Variants in TJP1 observed in about 807,000 individuals in gnomAD.
The protein encoded by TJP1 is tight junction protein 1.
Under a neutral mutation model 194.2 loss-of-function variants are expected in TJP1, and 43 were observed. The observed-to-expected ratio is 0.22, with a 90% CI of 0.17 to 0.29. TJP1 has a LOEUF of 0.29. Ranked by LOEUF, TJP1 falls within the 10% of genes least tolerant of loss-of-function variation. The pLI, the probability that TJP1 is intolerant of heterozygous loss-of-function variation, is 1.00. For missense variants in TJP1, 1,971 were observed against 2,185.7 expected (o/e 0.90, Z 1.96); for synonymous variants, 801 against 779.0 (o/e 1.03, Z -0.47).
chr15:29,949,317 TCACCACCACTACCTCCACCACCTCCAC>T (rs2055441672), intron 2 of TJP1, among the ~76,000 whole-genome samples: 5 of 20,658 alleles, frequency 2.4e-4, no homozygotes, highest in African/African-American at 7.3e-4. Context: ...ACCTCCACTT[TCACCACCACTACCTCCACCACCTCCAC>T]CACCACCACC....
chr15:29,720,006 G>A lies in TJP1; in HGVS notation c.2774C>T (p.Ala925Val). ...CGAAAGGTAAGGGACTGGAGATGAA[G>A]CTTCTGCTTTCTGTGAAGTGTTTAA... ...FKPASQQKAE[A>V]SSPVPYLSPE... is the part of the protein sequence containing the mutation. Residue 925 changes from alanine (A) to valine (V), a missense_variant, in exon 20 of 28, where the codon GCT (alanine) becomes GTT (valine). Ala to Val is a moderately conservative substitution (Grantham distance 64). Coordinates refer to ENST00000614355, the MANE Select transcript of TJP1 (RefSeq NM_001330239.4). The A allele has an allele frequency of 6.2e-7, 1 of 1,604,394 alleles. No individual in the cohort carries two copies.
chr15:29,722,295 AG>A (rs2042976885), intron 18 of TJP1, among the ~76,000 whole-genome samples: 1 of 152,212 alleles, frequency 6.6e-6, no homozygotes, highest in African/African-American at 2.4e-5. Flanking sequence ...TGGGTGATCC[AG>A]GCCCGGCCCT....
intron 2 of TJP1, among the ~76,000 whole-genome samples, chr15:29,950,883 C>G (rs973826432): frequency 6.6e-6 from 1 of 152,052 alleles, no homozygotes; most frequent in Non-Finnish European, 1.5e-5. Context: ...ATTCTGTAAC[C>G]CCATATCCTT....
chr15:29,910,509 C>T (rs959833732), intron 2 of TJP1, among the ~76,000 whole-genome samples: 10 of 152,178 alleles, frequency 6.6e-5, no homozygotes, highest in African/African-American at 2.4e-4. Context: ...ACATTTTAAA[C>T]ACTGTTTATA....
Position 29,781,263 on chromosome 15 carries a change from A to G in TJP1, c.85-7906T>C, listed in dbSNP as rs115417751. Among the ~76,000 whole-genome samples, 778 of 152,254 alleles carry G rather than the reference A, an allele frequency of 5.1e-3. 7 individuals carry two copies. The highest frequency in any genetic ancestry group is 0.017 in the African/African-American group (722 of 41,552). On this transcript the variant is annotated intron_variant, in intron 2 of 27. Transcript: ENST00000614355. ...TCCTGGACAAACCCACCCTCCCAAGACTGAACCAGGAGAAACTGAATCTCT... is the reference window on the plus strand; with the variant it reads ...TCCTGGACAAACCCACCCTCCCAAGGCTGAACCAGGAGAAACTGAATCTCT...
At chr15:29,845,641 G>GA (rs938785373) in intron 2 of TJP1, among the ~76,000 whole-genome samples, 46 of 151,196 alleles carry the variant, frequency 3.0e-4, no homozygotes, top group Non-Finnish European at 5.6e-4. Flanking sequence ...CATCTCTACT[G>GA]AAAAAAAACA....
chr15:29,750,987 T>C (rs1045471768), intron 8 of TJP1, among the ~76,000 whole-genome samples: 2 of 152,256 alleles, frequency 1.3e-5, no homozygotes, highest in African/African-American at 2.4e-5. Context: ...TGGAAGGCTC[T>C]ATTGCAAAAA....
Position 29,719,777 on chromosome 15 carries a change from C to G in TJP1, c.3003G>C (p.Lys1001Asn). Residue 1001 changes from lysine to asparagine, a missense_variant and splice_region_variant, in exon 20 of 28, where the codon AAG (lysine) becomes AAC (asparagine). Physicochemically the swap from Lys to Asn is moderately conservative, Grantham distance 94. Around this residue, in one of 5 missense-constraint regions of TJP1, gnomAD observed 1,108 missense variants for 1,128.5 expected, o/e 0.98. Transcript: ENST00000614355. ...PSLSSHVDPT[K>N]VYRKDPYPEE... ...TAGTGCAACACCGCAGCACAGGTACCTTTGTTGGATCTACATGCGACGACA... is the reference window on the plus strand; with the variant it reads ...TAGTGCAACACCGCAGCACAGGTACGTTTGTTGGATCTACATGCGACGACA... 3 of 1,612,184 alleles carry G rather than the reference C, an allele frequency of 1.9e-6. No homozygotes were observed. In the Middle Eastern group the frequency reaches 5.0e-4, roughly 266 times the overall value.
intron 8 of TJP1, chr15:29,742,996 A>G (rs914854120): frequency 3.6e-5 from 13 of 359,734 alleles, no homozygotes; most frequent in Middle Eastern, 7.2e-4. Flanking sequence ...ATGAAGAAAT[A>G]TATCTATAAT....
intron 2 of TJP1, among the ~76,000 whole-genome samples, chr15:29,780,905 C>T (rs993199455): frequency 1.3e-5 from 2 of 151,956 alleles, no homozygotes; most frequent in Admixed American, 1.3e-4. Flanking sequence ...ACATTACATA[C>T]ATTAACAACC....
At chr15:29,889,362 A>C (rs2053229814) in intron 2 of TJP1, among the ~76,000 whole-genome samples, 1 of 152,216 alleles carries the variant, frequency 6.6e-6, no homozygotes, top group Non-Finnish European at 1.5e-5. Flanking sequence ...GACATTTTAA[A>C]TACTTAAAAT....
intron 25 of TJP1, 119 bp downstream of exon 25, chr15:29,708,440 C>T (rs911710681): frequency 1.2e-6 from 1 of 821,430 alleles, no homozygotes; most frequent in Admixed American, 2.3e-5. Flanking sequence ...CAACAACACT[C>T]TTCAGTTTAA....
chr15:29,831,806 G>A (rs2152046524), intron 2 of TJP1, among the ~76,000 whole-genome samples: 1 of 152,248 alleles, frequency 6.6e-6, no homozygotes, highest in South Asian at 2.1e-4. Context: ...ACATGTTTGG[G>A]ATTTGCTTTT....
At chr15:29,724,552 A>T (rs2043129662) in intron 18 of TJP1, among the ~76,000 whole-genome samples, 1 of 152,222 alleles carries the variant, frequency 6.6e-6, no homozygotes, top group Admixed American at 6.5e-5. Context: ...TGAACTAGGA[A>T]ATATGTTAAG....
At chr15:29,873,110 T>C (rs915879243) in intron 2 of TJP1, among the ~76,000 whole-genome samples, 3 of 152,160 alleles carry the variant, frequency 2.0e-5, no homozygotes, top group Non-Finnish European at 2.9e-5. Flanking sequence ...CTGCATAGGC[T>C]CATGGATTCA....
chr15:29,772,204 A>G (rs929617267), intron 3 of TJP1, 38 bp from the exon 4 acceptor site: 1 of 1,275,114 alleles, frequency 7.8e-7, no homozygotes, highest in Admixed American at 2.2e-5. Flanking sequence ...TGTTAGAGAA[A>G]AACATTCTGG....
chr15:29,835,265 T>C (rs1192606162), intron 2 of TJP1, among the ~76,000 whole-genome samples: 1 of 152,222 alleles, frequency 6.6e-6, no homozygotes, highest in Admixed American at 6.5e-5. Flanking sequence ...ATTTTAAATG[T>C]GGGTAATTTT....
chr15:29,769,381 G>A (rs1169700431), intron 4 of TJP1, among the ~76,000 whole-genome samples: 1 of 152,102 alleles, frequency 6.6e-6, no homozygotes, highest in Non-Finnish European at 1.5e-5. Flanking sequence ...GGACAAACTG[G>A]CAATACATAC....
intron 2 of TJP1, among the ~76,000 whole-genome samples, chr15:29,843,478 C>T (rs1160939136): frequency 3.9e-5 from 6 of 152,118 alleles, no homozygotes; most frequent in Admixed American, 1.3e-4. Context: ...CGTGAGCCAC[C>T]GTGCCCAGCC....
Sources: gnomAD v4.1 joint callset for allele counts (sites outside exome capture counted in the v4.1 genomes callset) on GRCh38, gnomAD v4.1.1 for gene constraint, gnomAD v4.1.1 regional missense constraint, MANE v1.5 for transcripts, NCBI Gene and HGNC (gene_info 2026-07-23, HGNC 2026-07-21) for gene names.